SH3GL2: variants seen among roughly 807,000 people sequenced by gnomAD.
SH3GL2 encodes SH3 domain containing GRB2 like 2, endophilin A1, also known as endophilin-A1.
A neutral mutation model predicts 46.0 loss-of-function variants in SH3GL2; 24 were observed. The ratio of observed to expected loss-of-function variants is 0.52; its 90% CI spans 0.38 to 0.73. The LOEUF is 0.73. Among genes scored for constraint, SH3GL2 ranks in the 30% least tolerant of loss-of-function variants. The pLI is 0.00. For synonymous variants in SH3GL2, 196 were observed against 147.1 expected (o/e 1.33, Z -2.40); for missense variants, 413 against 424.2 (o/e 0.97, Z 0.23).
At chr9:17,757,945 C>T (rs1823047891) in intron 2 of SH3GL2, among the ~76,000 whole-genome samples, 1 of 152,142 alleles carries the variant, frequency 6.6e-6, no homozygotes, top group African/African-American at 2.4e-5. Flanking sequence ...CTGGCTGACA[C>T]AGTGTAGTTT....
intron 1 of SH3GL2, among the ~76,000 whole-genome samples, chr9:17,716,898 C>T (rs1821774869): frequency 6.6e-6 from 1 of 152,116 alleles, no homozygotes; most frequent in Non-Finnish European, 1.5e-5. Context: ...TTTCTTGACA[C>T]TCATTCTTAA....
intron 1 of SH3GL2, among the ~76,000 whole-genome samples, chr9:17,719,554 C>T (rs140419207): frequency 2.0e-4 from 30 of 152,094 alleles, no homozygotes; most frequent in African/African-American, 7.0e-4. Flanking sequence ...GGGAGGCCAA[C>T]GTGGGAGGAT....
intron 1 of SH3GL2, among the ~76,000 whole-genome samples, chr9:17,706,062 C>A (rs893368426): frequency 5.3e-5 from 8 of 151,914 alleles, no homozygotes; most frequent in African/African-American, 1.9e-4. Context: ...AAGTATTAGT[C>A]GATGATATCA....
intron 1 of SH3GL2, among the ~76,000 whole-genome samples, chr9:17,639,857 C>G (rs1304455735): frequency 6.6e-6 from 1 of 151,976 alleles, no homozygotes; most frequent in Non-Finnish European, 1.5e-5. Flanking sequence ...AAAAGTTATG[C>G]TAAGTGAAAG....
chr9:17,638,026 A>G lies in SH3GL2; in HGVS notation c.45+58739A>G, dbSNP rs1482556086. ...AGAAAAATTAGCCGGGCATGGTGGC[A>G]GGCGCCTGTAGTCCCAGCTATTCGG... On this transcript the variant is annotated intron_variant, in intron 1 of 8. Coordinates refer to ENST00000380607, the MANE Select transcript of SH3GL2 (RefSeq NM_003026.5). 3.9e-5 allele frequency among the ~76,000 whole-genome samples: 6 copies of G among 152,008 alleles called. No individual in the cohort carries two copies. In the South Asian group the frequency reaches 8.3e-4, roughly 21 times the overall value.
chr9:17,739,043 C>T (rs1024681766), intron 1 of SH3GL2, among the ~76,000 whole-genome samples: 9 of 152,110 alleles, frequency 5.9e-5, no homozygotes, highest in Non-Finnish European at 1.0e-4. Flanking sequence ...GTAGTTGTAA[C>T]GTATCTTAGA....
At chr9:17,635,871 A>T (rs557745152) in intron 1 of SH3GL2, among the ~76,000 whole-genome samples, 1 of 152,294 alleles carries the variant, frequency 6.6e-6, no homozygotes, top group South Asian at 2.1e-4. Flanking sequence ...GAAGGATAAA[A>T]GCCACAAAAA....
intron 1 of SH3GL2, among the ~76,000 whole-genome samples, chr9:17,739,483 G>T (rs1463207671): frequency 6.6e-6 from 1 of 151,998 alleles, no homozygotes; most frequent in East Asian, 1.9e-4. Flanking sequence ...CTATGAAAAT[G>T]TATAAAATTT....
intron 1 of SH3GL2, among the ~76,000 whole-genome samples, chr9:17,598,263 T>C (rs966419642): frequency 6.6e-6 from 1 of 152,216 alleles, no homozygotes; most frequent in African/African-American, 2.4e-5. Flanking sequence ...CACAGACACT[T>C]TAGATTCTTA....
chr9:17,785,600 C>G (rs1823933001), intron 3 of SH3GL2, among the ~76,000 whole-genome samples: 1 of 152,118 alleles, frequency 6.6e-6, no homozygotes, highest in Non-Finnish European at 1.5e-5. Flanking sequence ...CCTGAGGAAC[C>G]TAGGTATCCT....
chr9:17,773,467 A>AGTT (rs1823550839), intron 3 of SH3GL2, among the ~76,000 whole-genome samples: 2 of 152,090 alleles, frequency 1.3e-5, no homozygotes, highest in African/African-American at 2.4e-5. Flanking sequence ...TCTTTAATGT[A>AGTT]TTTGGAGTTA....
At position 17,613,472 on chromosome 9, in the gene SH3GL2, C is replaced by T. The variant is rs144936429; in HGVS notation, c.45+34185C>T. The stretch of plus-strand genomic sequence containing the variant: ...TTTGGCAAGAAATCACATATTGTCC[C>T]TCCCCCAAGCAGTCTGTTCCCTGCA... On this transcript the variant is annotated intron_variant, in intron 1 of 8. Transcript: ENST00000380607. 3.2e-4 allele frequency among the ~76,000 whole-genome samples: 48 copies of T among 152,294 alleles called. No individual in the cohort carries two copies. In the East Asian group the frequency reaches 6.4e-3, roughly 20 times the overall value.
chr9:17,726,622 A>G (rs1822026580), intron 1 of SH3GL2, among the ~76,000 whole-genome samples: 1 of 152,178 alleles, frequency 6.6e-6, no homozygotes, highest in Admixed American at 6.5e-5. Context: ...AGCAGAACAA[A>G]CAACAGTAGC....
intron 1 of SH3GL2, among the ~76,000 whole-genome samples, chr9:17,702,741 A>T (rs1023229958): frequency 6.6e-6 from 1 of 152,152 alleles, no homozygotes; most frequent in Non-Finnish European, 1.5e-5. Flanking sequence ...AGGAAAAATG[A>T]GTCTTCCAGT....
At chr9:17,679,191 G>A (rs981722490) in intron 1 of SH3GL2, among the ~76,000 whole-genome samples, 3 of 152,094 alleles carry the variant, frequency 2.0e-5, no homozygotes, top group Admixed American at 6.6e-5. Context: ...AGCTTGATGG[G>A]GATGGCATTG....
At chr9:17,634,093 G>A (rs963696836) in intron 1 of SH3GL2, among the ~76,000 whole-genome samples, 2 of 152,200 alleles carry the variant, frequency 1.3e-5, no homozygotes, top group Non-Finnish European at 2.9e-5. Context: ...TGGAGTCCTG[G>A]CTGGTTTTGG....
At chr9:17,607,039 G>T (rs7034773) in intron 1 of SH3GL2, among the ~76,000 whole-genome samples, 1 of 152,084 alleles carries the variant, frequency 6.6e-6, no homozygotes, top group African/African-American at 2.4e-5. Flanking sequence ...GCCGGTTATC[G>T]AGGGAGTTTG....
At chr9:17,582,359 A>G (rs932217478) in intron 1 of SH3GL2, among the ~76,000 whole-genome samples, 1 of 152,218 alleles carries the variant, frequency 6.6e-6, no homozygotes, top group Non-Finnish European at 1.5e-5. Context: ...ATTAGAATAA[A>G]GTATTCTTTT....
In SH3GL2 at chr9:17,664,895, A is replaced by C. The variant is rs570708219; in HGVS notation, c.46-82171A>C. Among the ~76,000 whole-genome samples, 10 of 151,674 alleles carry C rather than the reference A, an allele frequency of 6.6e-5. 1 individual carries two copies. The highest frequency in any genetic ancestry group is 2.2e-4 in the African/African-American group (9 of 41,400). On this transcript the variant is annotated intron_variant, in intron 1 of 8. Coordinates refer to ENST00000380607, the MANE Select transcript of SH3GL2 (RefSeq NM_003026.5). ...AAACCACAAGGGAATATTTACGAAG[A>C]GTTTCTTTGCTTGAAAAAAAAATTA...
Sources: gnomAD v4.1 joint callset for allele counts (sites outside exome capture counted in the v4.1 genomes callset) on GRCh38, gnomAD v4.1.1 for gene constraint, MANE v1.5 for transcripts, NCBI Gene and HGNC (gene_info 2026-07-23, HGNC 2026-07-21) for gene names.